MAP1B: variants seen among roughly 807,000 people sequenced by gnomAD.
MAP1B encodes microtubule associated protein 1B, also known as microtubule-associated protein 1B.
In MAP1B, 12 loss-of-function variants were observed where a neutral mutation model predicts 176.1. That is an observed-to-expected ratio of 0.07 (90% CI 0.04 to 0.11). The LOEUF (loss-of-function observed/expected upper bound fraction) is 0.11, where lower values mean the gene tolerates loss of function less well. MAP1B is among the 10% of genes least tolerant of loss of function. The pLI, the probability that MAP1B is intolerant of heterozygous loss-of-function variation, is 1.00. For synonymous variants in MAP1B, 1,044 were observed against 1,135.0 expected (o/e 0.92, Z 1.61); for missense variants, 2,523 against 2,990.5 (o/e 0.84, Z 3.65).
chr5:72,166,730 A>T (rs1384658162), intron 2 of MAP1B, among the ~76,000 whole-genome samples: 2 of 152,218 alleles, frequency 1.3e-5, no homozygotes, highest in Admixed American at 6.5e-5. Context: ...GGGAAATGCA[A>T]GCCCCAGGCA....
At chr5:72,193,234 T>C (rs766226595) in intron 4 of MAP1B, 9 of 390,326 alleles carry the variant, frequency 2.3e-5, no homozygotes, top group South Asian at 1.7e-4. Flanking sequence ...TCTTGTCTCC[T>C]ATGGGGAAAA....
intron 2 of MAP1B, among the ~76,000 whole-genome samples, chr5:72,125,309 CAT>C (rs564941274): frequency 1.0e-3 from 159 of 152,100 alleles, no homozygotes; most frequent in African/African-American, 3.1e-3. Flanking sequence ...GTATAATGTG[CAT>C]ATGTGTTTGT....
intron 2 of MAP1B, among the ~76,000 whole-genome samples, chr5:72,147,376 T>A (rs1247121223): frequency 6.6e-6 from 1 of 152,020 alleles, no homozygotes; most frequent in Non-Finnish European, 1.5e-5. Flanking sequence ...TGGGGCAATA[T>A]CTTGAAGGTT....
chr5:72,195,675 G>A lies in MAP1B; in HGVS notation c.2320G>A (p.Gly774Arg), dbSNP rs771650027. ...TGTCAAGAAAGATTCTGTTGCTGCC[G>A]GAAAGCCAAAGGAGAAGGGGAAAAT... The part of the protein sequence containing the change: ...ESVKKDSVAA[G>R]KPKEKGKIKV... The change falls in exon 5 of 7, where the codon GGA becomes AGA. Residue 774 changes from glycine (G) to arginine (R), a missense_variant. Physicochemically the swap from Gly to Arg is moderately radical, Grantham distance 125. This residue lies in a region of MAP1B where 1,925 missense variants were observed against 2,126.0 expected (regional missense o/e 0.91). Coordinates refer to ENST00000296755, the MANE Select transcript of MAP1B (RefSeq NM_005909.5). 27 of 1,614,072 alleles carry A rather than the reference G, an allele frequency of 1.7e-5. No individual in the cohort carries two copies. Among genetic ancestry groups the A allele is most frequent in the South Asian group, 3.3e-5 (3 of 91,084 alleles).
intron 2 of MAP1B, among the ~76,000 whole-genome samples, chr5:72,143,835 C>T (rs1246493450): frequency 6.6e-6 from 1 of 152,168 alleles, no homozygotes; most frequent in African/African-American, 2.4e-5. Context: ...CACAGGTGTG[C>T]ACCATCATGC....
At position 72,194,792 on chromosome 5, in the gene MAP1B, C is replaced by G; in HGVS notation, c.1437C>G (p.Asn479Lys). ...CTTTGATTGTGTGGCATCCAGCAAA[C>G]CCTGCGGAGAAAATCATCCGAGTCC... is the stretch of plus-strand genomic sequence containing the variant. ...VSSLIVWHPA[N>K]PAEKIIRVLF... is the part of the protein sequence containing the mutation. Residue 479 changes from asparagine to lysine, a missense_variant, in exon 5 of 7, where the codon AAC becomes AAG. Asn to Lys is a moderately conservative substitution (Grantham distance 94, BLOSUM62 0). Around this residue, in one of 4 missense-constraint regions of MAP1B, gnomAD observed 1,925 missense variants for 2,126.0 expected, o/e 0.91. Transcript: ENST00000296755. The surrounding 1 kb of genome is among the most constrained non-coding windows in gnomAD (Gnocchi z 7.2). 1 of 1,614,176 alleles carries G rather than the reference C, an allele frequency of 6.2e-7. No individual in the cohort carries two copies. The highest frequency in any genetic ancestry group is 8.5e-7 in the Non-Finnish European group (1 of 1,180,028).
At chr5:72,123,738 C>G (rs1181216158) in intron 2 of MAP1B, among the ~76,000 whole-genome samples, 1 of 152,158 alleles carries the variant, frequency 6.6e-6, no homozygotes, top group African/African-American at 2.4e-5. Context: ...CCCGCCTCGG[C>G]CTCCCAAAGT....
chr5:72,114,243 A>T (rs55711737), intron 1 of MAP1B, among the ~76,000 whole-genome samples: 3 of 152,038 alleles, frequency 2.0e-5, no homozygotes, highest in Admixed American at 2.0e-4. Flanking sequence ...TCTATGTATA[A>T]TCCACCTTGA....
intron 2 of MAP1B, among the ~76,000 whole-genome samples, chr5:72,178,990 C>T (rs1041985422): frequency 6.6e-6 from 1 of 152,128 alleles, no homozygotes; most frequent in African/African-American, 2.4e-5. Context: ...AAAATGCAGG[C>T]TTCCTTTTGA....
intron 2 of MAP1B, among the ~76,000 whole-genome samples, chr5:72,159,589 A>G (rs960136118): frequency 6.6e-6 from 1 of 152,232 alleles, no homozygotes; most frequent in Non-Finnish European, 1.5e-5. Flanking sequence ...GATAAACACC[A>G]TTATACCAGT....
chr5:72,198,910 C>T lies in MAP1B; in HGVS notation c.5555C>T (p.Ser1852Phe), dbSNP rs751558732. ...QHHLALNRDL[S>F]TPGLEKDSGG... ...CATCTAGCCTTGAATAGAGATTTGT[C>T]CACACCTGGCCTGGAGAAGGACAGT... The change falls in exon 5 of 7, where the codon TCC becomes TTC. Residue 1852 changes from serine (S) to phenylalanine (F), a missense_variant. Around this residue, in one of 4 missense-constraint regions of MAP1B, gnomAD observed 1,925 missense variants for 2,126.0 expected, o/e 0.91. Transcript: ENST00000296755. The T allele has an allele frequency of 1.2e-6, 2 of 1,614,058 alleles. No individual in the cohort carries two copies. Among genetic ancestry groups the T allele is most frequent in the East Asian group, 4.5e-5 (2 of 44,892 alleles).
chr5:72,144,949 CTG>C (rs1284870005), intron 2 of MAP1B, among the ~76,000 whole-genome samples: 1 of 152,156 alleles, frequency 6.6e-6, no homozygotes, highest in African/African-American at 2.4e-5. Context: ...TTGTAGGAGA[CTG>C]TTGTTGCTTG....
At chr5:72,120,430 T>C (rs940566453) in intron 2 of MAP1B, among the ~76,000 whole-genome samples, 12 of 150,976 alleles carry the variant, frequency 7.9e-5, no homozygotes, top group Admixed American at 2.0e-4. Flanking sequence ...TCTTTCTTTT[T>C]TTTTTTTTTT....
At chr5:72,158,177 T>A (rs1325069870) in intron 2 of MAP1B, among the ~76,000 whole-genome samples, 1 of 150,810 alleles carries the variant, frequency 6.6e-6, no homozygotes, top group Non-Finnish European at 1.5e-5. Context: ...CCCGGCTAAT[T>A]TTTTGTATTT....
In MAP1B at chr5:72,196,457, T is replaced by C; in HGVS notation, c.3102T>C (p.Tyr1034=). ...DKAEDAREEE[Y]EPEKMEAEDY... Reference sequence around the variant, plus strand: ...CTGAAGATGCCAGAGAGGAGGAATATGAGCCGGAAAAAATGGAAGCTGAAG... The same window carrying C: ...CTGAAGATGCCAGAGAGGAGGAATACGAGCCGGAAAAAATGGAAGCTGAAG... The change falls in exon 5 of 7, where the codon TAT becomes TAC. Residue 1034 remains tyrosine (Y), a synonymous_variant. Coordinates refer to ENST00000296755, the MANE Select transcript of MAP1B (RefSeq NM_005909.5). This position sits in a 1 kb window ranked among gnomAD's most constrained non-coding sequence, Gnocchi z 5.3. 6.2e-7 allele frequency: 1 copy of C among 1,613,722 alleles called. No individual in the cohort carries two copies. The highest frequency in any genetic ancestry group is 8.5e-7 in the Non-Finnish European group (1 of 1,179,994).
At chr5:72,193,342 CTTTTTT>C (rs67199223) in intron 4 of MAP1B, 199 of 216,174 alleles carry the variant, frequency 9.2e-4, no homozygotes, top group Middle Eastern at 2.3e-3. Flanking sequence ...TCCATCAGGC[CTTTTTT>C]TTTTTTTTTT....
chr5:72,133,830 A>G (rs1745781838), intron 2 of MAP1B, among the ~76,000 whole-genome samples: 1 of 152,222 alleles, frequency 6.6e-6, no homozygotes, highest in African/African-American at 2.4e-5. Context: ...TATAAAGTCT[A>G]CAGTATTATT....
chr5:72,179,975 G>A (rs1239864990), intron 2 of MAP1B: 3 of 973,462 alleles, frequency 3.1e-6, no homozygotes, highest in Non-Finnish European at 3.7e-6. Context: ...GAAAGGAACT[G>A]CCGGTGGATG....
At chr5:72,142,103 G>A (rs1745958480) in intron 2 of MAP1B, among the ~76,000 whole-genome samples, 1 of 152,208 alleles carries the variant, frequency 6.6e-6, no homozygotes, top group South Asian at 2.1e-4. Flanking sequence ...AAAGAGACCT[G>A]TGGAACCCCA....
Sources: gnomAD v4.1 joint callset for allele counts (sites outside exome capture counted in the v4.1 genomes callset) on GRCh38, gnomAD v4.1.1 for gene constraint, gnomAD v4.1.1 regional missense constraint, Gnocchi (gnomAD v3.1) non-coding constraint, MANE v1.5 for transcripts, NCBI Gene and HGNC (gene_info 2026-07-23, HGNC 2026-07-21) for gene names.